The following ABCB8 variants were observed in gnomAD, a reference collection of about 807,000 sequenced individuals.
The protein encoded by ABCB8 is mitochondrial potassium channel ATP-binding subunit.
Under a neutral mutation model 73.0 loss-of-function variants are expected in ABCB8, and 52 were observed. The ratio of observed to expected loss-of-function variants is 0.71; its 90% CI spans 0.57 to 0.90. The LOEUF is 0.90. ABCB8 is among the 40% of genes least tolerant of loss of function. ABCB8 has a pLI of 0.00. For missense variants in ABCB8, 909 were observed against 974.6 expected (o/e 0.93, Z 0.90); for synonymous variants, 428 against 423.5 (o/e 1.01, Z -0.13).
intron 1 of ABCB8, chr7:151,028,835 A>T (rs1474143636): frequency 6.4e-7 from 1 of 1,553,362 alleles, no homozygotes; most frequent in Non-Finnish European, 8.7e-7. Context: ...TGTCAGCCAG[A>T]AGGAGGGGAC....
intron 14 of ABCB8, among the ~76,000 whole-genome samples, chr7:151,043,258 C>T (rs1179507426): frequency 6.6e-6 from 1 of 152,182 alleles, no homozygotes; most frequent in Non-Finnish European, 1.5e-5. Flanking sequence ...TTGGCAACTC[C>T]CTTGGAGTGC....
chr7:151,040,193 C>T (rs1344464260), intron 9 of ABCB8, 75 bp from the exon 10 acceptor site: 14 of 1,556,656 alleles, frequency 9.0e-6, no homozygotes, highest in Non-Finnish European at 1.2e-5. Context: ...CTCCCCCGCC[C>T]CACCGTGGCT....
Position 151,042,049 on chromosome 7 carries a change from G to T in ABCB8, c.1706G>T (p.Arg569Leu), listed in dbSNP as rs374442680. 1.2e-6 allele frequency: 2 copies of T among 1,613,204 alleles called. No individual in the cohort carries two copies. Among genetic ancestry groups the T allele is most frequent in the South Asian group, 2.2e-5 (2 of 91,088 alleles). ...GATGAAGAGGTGTACACAGCCGCCC[G>T]GGAAGCGAATGCTCACGAGTTCATC... ...ASDEEVYTAA[R>L]EANAHEFITS... The change falls in exon 14 of 16, where the codon CGG becomes CTG. Residue 569 changes from arginine (R) to leucine (L), a missense_variant. Transcript: ENST00000358849.
Position 151,036,631 on chromosome 7 carries a change from C to A in ABCB8, c.1199C>A (p.Ala400Asp). The change falls in exon 9 of 16, where the codon GCC (alanine) becomes GAC (aspartate). Residue 400 changes from alanine to aspartate, a missense_variant. Ala to Asp is a moderately radical substitution (Grantham distance 126). Coordinates refer to ENST00000358849, the MANE Select transcript of ABCB8 (RefSeq NM_007188.5). The stretch of plus-strand genomic sequence containing the variant: ...GGAGACCTCATGTCCTTCCTGGTGG[C>A]CTCCCAGACAGTGCAAAGGTAAGTG... The part of the protein sequence containing the change: ...TGGDLMSFLV[A>D]SQTVQRSMAN... The A allele has an allele frequency of 6.2e-7, 1 of 1,610,920 alleles. No homozygotes were observed.
chr7:151,033,319 G>C, intron 1 of ABCB8: 1 of 937,632 alleles, frequency 1.1e-6, no homozygotes, highest in Non-Finnish European at 1.5e-6. Flanking sequence ...CTGGAGTCGA[G>C]GCTGCGAGGG....
rs763271430 is a variant in ABCB8, at chr7:151,034,761, C to T, written c.697C>T (p.Gln233Ter). The change falls in exon 5 of 16, where the codon CAG becomes TAG. Residue 233 changes from glutamine (Q) to a stop codon, truncating the protein, a stop_gained. Coordinates refer to ENST00000358849, the MANE Select transcript of ABCB8 (RefSeq NM_007188.5). LOFTEE classifies it high-confidence loss of function. ...ITFFDANKTG[Q>*]LVSRLTTDVQ... The stretch of plus-strand genomic sequence containing the variant: ...CTTCTTTGACGCCAATAAGACAGGG[C>T]AGCTGGTGAGCCGCTTGACAACTGA... 3 of 1,614,098 alleles carry T rather than the reference C, an allele frequency of 1.9e-6. No individual in the cohort carries two copies. The highest frequency in any genetic ancestry group is 2.5e-6 in the Non-Finnish European group (3 of 1,179,990).
intron 11 of ABCB8, 25 bp from the exon 12 acceptor site, chr7:151,040,803 C>CT (rs1278530324): frequency 6.3e-7 from 1 of 1,586,908 alleles, no homozygotes; most frequent in East Asian, 2.3e-5. Flanking sequence ...CCTGGTCTGA[C>CT]TGGGGGTCTC....
intron 9 of ABCB8, chr7:151,039,259 G>A (rs1300467779): frequency 2.0e-5 from 3 of 150,582 alleles, no homozygotes; most frequent in African/African-American, 7.4e-5. Flanking sequence ...ACAGATAGCT[G>A]GCTGGGCTGG....
rs1250936897 is a variant in ABCB8 at position 151,045,520 on chromosome 7, A to G, written c.*171A>G. The stretch of plus-strand genomic sequence containing the variant: ...GCCGAGCAGCTGGCAGGGGAGGCCA[A>G]TCCCTCCCTCCCCTCCCCAGTCCTG... On this transcript the variant is annotated 3_prime_UTR_variant, in exon 16 of 16. Coordinates refer to ENST00000358849, the MANE Select transcript of ABCB8 (RefSeq NM_007188.5). 7.5e-6 allele frequency: 6 copies of G among 802,618 alleles called. No individual in the cohort carries two copies. Among genetic ancestry groups the G allele is most frequent in the Admixed American group, 8.4e-5 (2 of 23,764 alleles). The allele number at this position is 802,618 out of a possible 1,614,324, so 49.7% of individuals were successfully genotyped here.
intron 9 of ABCB8, chr7:151,036,874 A>G: frequency 1.3e-6 from 1 of 756,576 alleles, no homozygotes; most frequent in Non-Finnish European, 2.4e-6. Context: ...GGTGCTTGTC[A>G]TCTTCAGCCT....
rs1337893633 is a variant in ABCB8, at chr7:151,040,879, G to A, written c.1440G>A (p.Leu480=). The A allele has an allele frequency of 3.7e-6, 6 of 1,606,220 alleles. No homozygotes were observed. The South Asian group carries it at 4.4e-5, about 12-fold the overall frequency. The change falls in exon 12 of 16, where the codon CTG becomes CTA. Residue 480 remains leucine (L), a synonymous_variant. Coordinates refer to ENST00000358849, the MANE Select transcript of ABCB8 (RefSeq NM_007188.5). ...TGCTGAAAGACTTCACCCTGACGCT[G>A]CCCCCTGGCAAGATCGTGGCCCTCG... is the stretch of plus-strand genomic sequence containing the variant. ...FEVLKDFTLT[L]PPGKIVALVG... is the part of the protein sequence containing the mutation.
intron 9 of ABCB8, chr7:151,037,237 T>A: frequency 1.4e-6 from 1 of 703,086 alleles, no homozygotes; most frequent in Non-Finnish European, 2.6e-6. Flanking sequence ...CATTGTGTCC[T>A]CAGCTTCCTC....
chr7:151,033,230 C>T (rs1478454858), intron 1 of ABCB8: 1 of 417,050 alleles, frequency 2.4e-6, no homozygotes, highest in Non-Finnish European at 4.5e-6. Context: ...TCCCTTAAAC[C>T]CCCGGCCCCT....
In ABCB8 at chr7:151,033,701, CA is replaced by C. The variant is rs773370186; in HGVS notation, c.193del (p.Arg65AspfsTer15). 1 of 1,613,468 alleles carries C rather than the reference CA, an allele frequency of 6.2e-7. No homozygotes were observed. Among genetic ancestry groups the C allele is most frequent in the Non-Finnish European group, 8.5e-7 (1 of 1,179,792 alleles). On this transcript the variant is annotated frameshift_variant, in exon 2 of 16. Transcript: ENST00000358849. LOFTEE classifies it high-confidence loss of function. Reference protein sequence around the residue: ...AHLPRAPLAPRWSPSAWCWVG... With the variant: ...AHLPRAPLAPXWSPSAWCWVG... ...ACCTCCCTCGAGCCCCCCTAGCTCC[CA>C]GATGGAGCCCCTCTGCCTGGTGCTG...
intron 1 of ABCB8, among the ~76,000 whole-genome samples, chr7:151,030,510 C>CAAACAAATAAAT (rs142253875): frequency 6.7e-6 from 1 of 150,148 alleles, no homozygotes; most frequent in African/African-American, 2.5e-5. Flanking sequence ...GACTCCGTCT[C>CAAACAAATAAAT]AAATAAATAA....
At position 151,045,350 on chromosome 7, in the gene ABCB8, G is replaced by C; in HGVS notation, c.*1G>C. ...CAGGAGCCACCAGCACAAGTCCTGA[G>C]AAGGGCCCCCTGAGGTGTGGTCGCT... On this transcript the variant is annotated 3_prime_UTR_variant, in exon 16 of 16. Coordinates refer to ENST00000358849, the MANE Select transcript of ABCB8 (RefSeq NM_007188.5). 1 of 1,553,716 alleles carries C rather than the reference G, an allele frequency of 6.4e-7. No individual in the cohort carries two copies.
At chr7:151,032,260 G>A (rs1280690951) in intron 1 of ABCB8, among the ~76,000 whole-genome samples, 2 of 152,128 alleles carry the variant, frequency 1.3e-5, no homozygotes, top group Non-Finnish European at 2.9e-5. Flanking sequence ...GGAGGAGCAG[G>A]GCTTCAAGCT....
chr7:151,034,684 C>G, intron 4 of ABCB8, 40 bp from the exon 5 acceptor site: 5 of 1,609,190 alleles, frequency 3.1e-6, no homozygotes, highest in Non-Finnish European at 4.3e-6. Context: ...AGTAATGTCT[C>G]CCTCTTCTGC....
intron 13 of ABCB8, 121 bp downstream of exon 13, chr7:151,041,353 C>A (rs1796460643): frequency 7.6e-7 from 1 of 1,324,260 alleles, no homozygotes; most frequent in Non-Finnish European, 1.0e-6. Context: ...TCTCGGGAGA[C>A]CCTGGCCGTC....
Sources: gnomAD v4.1 joint callset for allele counts (sites outside exome capture counted in the v4.1 genomes callset) on GRCh38, gnomAD v4.1.1 for gene constraint, MANE v1.5 for transcripts, NCBI Gene and HGNC (gene_info 2026-07-23, HGNC 2026-07-21) for gene names.